Variants in MGAT3 observed in about 807,000 individuals in gnomAD.
MGAT3 encodes the protein GlcNAc-T III.
Under a neutral mutation model 29.8 loss-of-function variants are expected in MGAT3, and 9 were observed. The ratio of observed to expected loss-of-function variants is 0.30; its 90% CI spans 0.18 to 0.53. The LOEUF (loss-of-function observed/expected upper bound fraction) is 0.53, where lower values mean the gene tolerates loss of function less well. MGAT3 is among the 20% of genes least tolerant of loss of function. The probability of loss-of-function intolerance (pLI) is 0.96; values close to 1 mark genes in which losing one functional copy is unlikely to be tolerated. For missense variants in MGAT3, 557 were observed against 769.5 expected, an observed-to-expected ratio of 0.72 and a Z score of 3.27; for synonymous variants, 397 against 348.9, an observed-to-expected ratio of 1.14 and a Z score of -1.54.
chr22:39,476,282 A>G (rs978158957), intron 1 of MGAT3, among the ~76,000 whole-genome samples: 5 of 152,152 alleles, frequency 3.3e-5, no homozygotes, highest in Non-Finnish European at 5.9e-5. Flanking sequence ...GAGCCAGCAG[A>G]GAGTGGGGCT....
In MGAT3 at chr22:39,457,022, ACTCG is replaced by A. The variant is rs941293421; in HGVS notation, c.-531_-528del. On this transcript the variant is annotated 5_prime_UTR_variant, in exon 1 of 2. Coordinates refer to ENST00000341184, the MANE Select transcript of MGAT3 (RefSeq NM_002409.5). The surrounding 1 kb of genome is among the most constrained non-coding windows in gnomAD (Gnocchi z 6.8). ...CGCGCGCACACTCGCACTCACACAC[ACTCG>A]CTCGCACACGCACACACTCGATCCA... Among the ~76,000 whole-genome samples the A allele has an allele frequency of 4.7e-5, 7 of 149,654 alleles. No individual in the cohort carries two copies. Among genetic ancestry groups the A allele is most frequent in the Admixed American group, 4.0e-4 (6 of 15,110 alleles).
chr22:39,478,668 C>T (rs1313601281), intron 1 of MGAT3, among the ~76,000 whole-genome samples: 1 of 152,198 alleles, frequency 6.6e-6, no homozygotes, highest in African/African-American at 2.4e-5. Flanking sequence ...TGAGTCTGCA[C>T]CTGGGAGGCT....
Position 39,489,751 on chromosome 22 carries a change from G to C in MGAT3, c.*802G>C, listed in dbSNP as rs1929401016. The stretch of plus-strand genomic sequence containing the variant: ...TGGACTGTGCACTCAGTCCTTGCAA[G>C]GCCAAGAGTCCAGTTGTAGGTGTGG... On this transcript the variant is annotated 3_prime_UTR_variant, in exon 2 of 2. Coordinates refer to ENST00000341184, the MANE Select transcript of MGAT3 (RefSeq NM_002409.5). The C allele has an allele frequency of 1.2e-5, 2 of 167,436 alleles. No individual in the cohort carries two copies. Among genetic ancestry groups the C allele is most frequent in the Admixed American group, 6.5e-5 (1 of 15,290 alleles). The allele number at this position is 167,436 out of a possible 1,614,324, so 10.4% of individuals were successfully genotyped here.
chr22:39,461,178 G>T (rs1928487654), intron 1 of MGAT3, among the ~76,000 whole-genome samples: 1 of 152,170 alleles, frequency 6.6e-6, no homozygotes, highest in Non-Finnish European at 1.5e-5. Flanking sequence ...CATAATGGGA[G>T]CTGGTACGTG....
intron 1 of MGAT3, chr22:39,476,642 G>A (rs1231559965): frequency 6.6e-6 from 1 of 152,100 alleles, no homozygotes; most frequent in South Asian, 2.1e-4. Flanking sequence ...CTTGTGTTGA[G>A]CCTGGAGCAG....
chr22:39,487,539 A>C lies in MGAT3; in HGVS notation c.192A>C (p.Pro64=). 6.2e-7 allele frequency: 1 copy of C among 1,612,690 alleles called. No individual in the cohort carries two copies. The highest frequency in any genetic ancestry group is 2.2e-5 in the East Asian group (1 of 44,810). The change falls in exon 2 of 2, where the codon CCA becomes CCC. Residue 64 remains proline (P), a synonymous_variant. Coordinates refer to ENST00000341184, the MANE Select transcript of MGAT3 (RefSeq NM_002409.5). The surrounding 1 kb of genome is among the most constrained non-coding windows in gnomAD (Gnocchi z 5.7). ...TCACGCCCCAGGCCAGCCCCGAGCCAGGAGGCCCTGACCTGCTGCGTACCC... is the reference window on the plus strand; with the variant it reads ...TCACGCCCCAGGCCAGCCCCGAGCCCGGAGGCCCTGACCTGCTGCGTACCC... ...APVTPQASPE[P]GGPDLLRTPL... is the part of the protein sequence containing the mutation.
chr22:39,467,451 G>A (rs1353923457), intron 1 of MGAT3, among the ~76,000 whole-genome samples: 1 of 152,136 alleles, frequency 6.6e-6, no homozygotes, highest in Non-Finnish European at 1.5e-5. Flanking sequence ...GGGAGTGCAG[G>A]CAGCCCCATC....
chr22:39,463,541 G>A (rs990051085), intron 1 of MGAT3, among the ~76,000 whole-genome samples: 1 of 152,166 alleles, frequency 6.6e-6, no homozygotes, highest in Non-Finnish European at 1.5e-5. Context: ...TCACCTGGGC[G>A]GCCTGCGTAA....
intron 1 of MGAT3, among the ~76,000 whole-genome samples, chr22:39,468,798 G>A (rs985405486): frequency 1.1e-4 from 16 of 152,022 alleles, no homozygotes; most frequent in African/African-American, 3.9e-4. Flanking sequence ...GCCCTTGTGT[G>A]GGACAAGGGG....
intron 1 of MGAT3, among the ~76,000 whole-genome samples, chr22:39,462,805 T>C (rs1387934651): frequency 6.6e-6 from 1 of 152,242 alleles, no homozygotes; most frequent in East Asian, 1.9e-4. Context: ...AAAATAAAAT[T>C]GAAACAATGG....
intron 1 of MGAT3, among the ~76,000 whole-genome samples, chr22:39,469,103 C>T (rs1482554970): frequency 7.6e-6 from 1 of 130,936 alleles, no homozygotes; most frequent in Non-Finnish European, 1.6e-5. Context: ...GTGGGACTGA[C>T]TGCCTTGGTG....
chr22:39,480,033 G>A (rs576750131), intron 1 of MGAT3, among the ~76,000 whole-genome samples: 1 of 152,286 alleles, frequency 6.6e-6, no homozygotes, highest in East Asian at 1.9e-4. Context: ...AGGAGTTGAG[G>A]CTGAGAGAGG....
chr22:39,461,674 AC>A (rs1259607825), intron 1 of MGAT3, among the ~76,000 whole-genome samples: 2 of 150,534 alleles, frequency 1.3e-5, no homozygotes, highest in African/African-American at 4.9e-5. Flanking sequence ...CTTCCTCATG[AC>A]CCCCTTCCTC....
At chr22:39,486,365 G>A (rs566364003) in intron 1 of MGAT3, 16 of 256,286 alleles carry the variant, frequency 6.2e-5, no homozygotes, top group East Asian at 4.4e-4. Flanking sequence ...GGCTGGTCTC[G>A]AACTCCTGAC....
In MGAT3 at chr22:39,475,493, AG is replaced by A. The variant is rs139915194; in HGVS notation, c.-1-11853del. Among the ~76,000 whole-genome samples the A allele has an allele frequency of 3.2e-3, 481 of 152,226 alleles. 2 individuals are homozygous for A. Among genetic ancestry groups the A allele is most frequent in the African/African-American group, 0.011 (472 of 41,534 alleles). On this transcript the variant is annotated intron_variant, in intron 1 of 1. Transcript: ENST00000341184. Reference sequence around the variant, plus strand: ...ATGCCCCTGCACCCTGGTGTCAGGCAGCCCCCCAGAGCTGCATCCCTCCCTC... The same window carrying A: ...ATGCCCCTGCACCCTGGTGTCAGGCACCCCCCAGAGCTGCATCCCTCCCTC...
intron 1 of MGAT3, among the ~76,000 whole-genome samples, chr22:39,466,727 G>A (rs1014928159): frequency 1.1e-4 from 17 of 152,250 alleles, no homozygotes; most frequent in African/African-American, 4.8e-5. Flanking sequence ...GAAGCCCAGC[G>A]GGCGTGGTCA....
intron 1 of MGAT3, among the ~76,000 whole-genome samples, chr22:39,464,603 G>A (rs969089086): frequency 5.9e-5 from 9 of 151,796 alleles, no homozygotes; most frequent in African/African-American, 2.2e-4. Flanking sequence ...ACCACACCCA[G>A]CTAATTTTTG....
intron 1 of MGAT3, among the ~76,000 whole-genome samples, chr22:39,468,994 G>A (rs1049905098): frequency 1.3e-5 from 2 of 151,958 alleles, no homozygotes; most frequent in Admixed American, 6.5e-5. Context: ...TGTGGCTTTC[G>A]CTTGGCTCAT....
intron 1 of MGAT3, among the ~76,000 whole-genome samples, chr22:39,482,326 A>G (rs1742361588): frequency 2.0e-5 from 3 of 152,082 alleles, no homozygotes; most frequent in African/African-American, 4.8e-5. Context: ...AATGCCACCA[A>G]CTGGGGCCCA....
Sources: allele counts gnomAD v4.1 joint callset (sites outside exome capture counted in the v4.1 genomes callset), GRCh38; gene constraint gnomAD v4.1.1; non-coding constraint Gnocchi (gnomAD v3.1); transcripts MANE v1.5; gene names NCBI Gene and HGNC (gene_info 2026-07-23, HGNC 2026-07-21).